RASSF8: variants seen among roughly 807,000 people sequenced by gnomAD.
RASSF8 encodes the protein Ras association domain family member 8.
Under a neutral mutation model 48.5 loss-of-function variants are expected in RASSF8, and 22 were observed. The observed-to-expected ratio is 0.45, with a 90% CI of 0.32 to 0.65. The LOEUF (loss-of-function observed/expected upper bound fraction) is 0.65, where lower values mean the gene tolerates loss of function less well. Ranked by LOEUF, RASSF8 falls within the 30% of genes least tolerant of loss-of-function variation. The probability of loss-of-function intolerance (pLI) is 0.03; values close to 1 mark genes in which losing one functional copy is unlikely to be tolerated. For missense variants in RASSF8, 418 were observed against 489.2 expected (o/e 0.85, Z 1.37); for synonymous variants, 127 against 171.5 (o/e 0.74, Z 2.03).
intron 1 of RASSF8, among the ~76,000 whole-genome samples, chr12:25,971,602 A>AT (rs1222865211): frequency 1.4e-4 from 21 of 152,072 alleles, no homozygotes; most frequent in African/African-American, 4.8e-4. Flanking sequence ...GAAGAAAAGT[A>AT]TTTTTTCACC....
chr12:26,042,939 T>C (rs1943296289), intron 2 of RASSF8, among the ~76,000 whole-genome samples: 8 of 152,180 alleles, frequency 5.3e-5, no homozygotes, highest in Admixed American at 5.2e-4. Flanking sequence ...CGAATGCCAA[T>C]TTTATTGCCT....
At chr12:26,053,421 A>G (rs1391452350) in intron 2 of RASSF8, among the ~76,000 whole-genome samples, 1 of 152,202 alleles carries the variant, frequency 6.6e-6, no homozygotes, top group East Asian at 1.9e-4. Context: ...AGAATAAAAC[A>G]TATTCTATTT....
At chr12:25,972,848 A>G (rs1055581716) in intron 1 of RASSF8, among the ~76,000 whole-genome samples, 6 of 152,234 alleles carry the variant, frequency 3.9e-5, no homozygotes, top group African/African-American at 1.4e-4. Flanking sequence ...TCGAGAATAC[A>G]GCATTATCAG....
chr12:25,988,055 GT>G lies in RASSF8; in HGVS notation c.-202-6979del, dbSNP rs1941929493. On this transcript the variant is annotated intron_variant, in intron 1 of 5. Coordinates refer to ENST00000689635, the MANE Select transcript of RASSF8 (RefSeq NM_001394098.1). ...TTTTTGTACTTTTAGTAGAGACAAG[GT>G]TTCACCATGCTGGCCAGGCTGGTCT... Among the ~76,000 whole-genome samples the G allele has an allele frequency of 2.0e-5, 3 of 151,134 alleles. No individual in the cohort carries two copies. The South Asian group carries it at 6.3e-4, about 32-fold the overall frequency.
intron 2 of RASSF8, among the ~76,000 whole-genome samples, chr12:26,025,868 T>A (rs904206377): frequency 6.6e-6 from 1 of 151,884 alleles, no homozygotes; most frequent in Non-Finnish European, 1.5e-5. Context: ...CTATAATACA[T>A]TGTTGAAAGA....
intron 2 of RASSF8, among the ~76,000 whole-genome samples, chr12:26,000,982 CTTT>C (rs34793650): frequency 0.053 from 4,308 of 80,932 alleles, 36 homozygotes; most frequent in Middle Eastern, 0.096. Flanking sequence ...TTAAAATTTC[CTTT>C]TTTTTTTTTT....
rs542003386 is a variant in RASSF8, at chr12:25,976,081, C to A, written c.-203+16933C>A. Among the ~76,000 whole-genome samples the A allele has an allele frequency of 5.3e-5, 8 of 152,294 alleles. No individual in the cohort carries two copies. In the East Asian group the frequency reaches 5.8e-4, roughly 11 times the overall value. On this transcript the variant is annotated intron_variant, in intron 1 of 5. Transcript: ENST00000689635. The stretch of plus-strand genomic sequence containing the variant: ...AACAGGTCTCCTGGTCTCCTCTCCT[C>A]ACCCAGGCTGCCAGTGAGGCAGGAG...
At chr12:25,974,552 C>G (rs1941561243) in intron 1 of RASSF8, among the ~76,000 whole-genome samples, 3 of 150,534 alleles carry the variant, frequency 2.0e-5, no homozygotes, top group Admixed American at 2.0e-4. Flanking sequence ...GAGCAATACT[C>G]TAAGCCCAAG....
intron 1 of RASSF8, among the ~76,000 whole-genome samples, chr12:25,982,683 A>T (rs769553792): frequency 6.6e-6 from 1 of 152,214 alleles, no homozygotes; most frequent in Non-Finnish European, 1.5e-5. Flanking sequence ...CACTGGAGAC[A>T]AGAGACAAAG....
intron 1 of RASSF8, among the ~76,000 whole-genome samples, chr12:25,971,678 C>T (rs1252644313): frequency 1.3e-5 from 2 of 152,144 alleles, no homozygotes; most frequent in African/African-American, 2.4e-5. Context: ...TTTTTATTAG[C>T]GCTTAAAAAA....
rs1444094480 is a variant in RASSF8, at chr12:26,055,286, C to T, written c.-58C>T. 2.9e-6 allele frequency: 4 copies of T among 1,385,338 alleles called. No homozygotes were observed. The highest frequency in any genetic ancestry group is 1.4e-5 in the African/African-American group (1 of 70,204). The allele number at this position is 1,385,338 out of a possible 1,614,324, so 85.8% of individuals were successfully genotyped here. ...CACTCCGTGTTCCTGCAGCTAGAGA[C>T]ATGACCTAACACCCTGATGACCACT... On this transcript the variant is annotated 5_prime_UTR_variant, in exon 3 of 6. Coordinates refer to ENST00000689635, the MANE Select transcript of RASSF8 (RefSeq NM_001394098.1).
At position 25,965,177 on chromosome 12, in the gene RASSF8, G is replaced by A. The variant is rs920931954; in HGVS notation, c.-203+6029G>A. On this transcript the variant is annotated intron_variant, in intron 1 of 5. Transcript: ENST00000689635. ...AGGATGGTCTTGATTTCCTGACCTC[G>A]TGATCCGCCTGCCTCGGCCTCCCAA... Among the ~76,000 whole-genome samples, 10 of 152,122 alleles carry A rather than the reference G, an allele frequency of 6.6e-5. No individual in the cohort carries two copies. In the South Asian group the frequency reaches 1.0e-3, roughly 16 times the overall value.
chr12:26,062,464 T>G (rs1943764911), intron 3 of RASSF8, among the ~76,000 whole-genome samples: 1 of 152,242 alleles, frequency 6.6e-6, no homozygotes, highest in Admixed American at 6.5e-5. Context: ...CATTCTCACT[T>G]GAGTCTCAGA....
chr12:25,967,433 C>G (rs759308825), intron 1 of RASSF8, among the ~76,000 whole-genome samples: 8 of 152,102 alleles, frequency 5.3e-5, no homozygotes, highest in Non-Finnish European at 1.0e-4. Context: ...TGAAAACCTC[C>G]CAACCTAGAT....
At chr12:26,041,475 C>T (rs1591792524) in intron 2 of RASSF8, among the ~76,000 whole-genome samples, 1 of 151,980 alleles carries the variant, frequency 6.6e-6, no homozygotes. Context: ...AACAGTTTAT[C>T]AACTGGATAA....
At chr12:26,006,457 A>G (rs560906060) in intron 2 of RASSF8, among the ~76,000 whole-genome samples, 1 of 152,328 alleles carries the variant, frequency 6.6e-6, no homozygotes, top group East Asian at 1.9e-4. Context: ...AGGACTTAGC[A>G]TGTAAGCAAT....
chr12:26,070,618 A>G lies in RASSF8; in HGVS notation c.*1800A>G. The G allele has an allele frequency of 1.0e-6, 1 of 954,830 alleles. No homozygotes were observed. Among genetic ancestry groups the G allele is most frequent in the Non-Finnish European group, 1.2e-6 (1 of 802,222 alleles). The allele number at this position is 954,830 out of a possible 1,614,324, so 59.1% of individuals were successfully genotyped here. On this transcript the variant is annotated 3_prime_UTR_variant, in exon 6 of 6. Coordinates refer to ENST00000689635, the MANE Select transcript of RASSF8 (RefSeq NM_001394098.1). The stretch of plus-strand genomic sequence containing the variant: ...CTATCTACCTATATTTAAAATTAGG[A>G]TGATTAAAAAATAATTTATAGATTT...
intron 2 of RASSF8, among the ~76,000 whole-genome samples, chr12:26,051,124 A>G (rs1006818125): frequency 6.6e-6 from 1 of 152,188 alleles, no homozygotes; most frequent in East Asian, 1.9e-4. Context: ...GACACTGGAA[A>G]AGTTATTTAA....
intron 1 of RASSF8, among the ~76,000 whole-genome samples, chr12:25,970,454 C>G (rs891113219): frequency 6.6e-6 from 1 of 152,100 alleles, no homozygotes; most frequent in African/African-American, 2.4e-5. Context: ...CTGATTTTAC[C>G]TCCTGGACAG....
Sources: gnomAD v4.1 joint callset for allele counts (sites outside exome capture counted in the v4.1 genomes callset) on GRCh38, gnomAD v4.1.1 for gene constraint, MANE v1.5 for transcripts, NCBI Gene and HGNC (gene_info 2026-07-23, HGNC 2026-07-21) for gene names.